LRIT1: variants seen among roughly 807,000 people sequenced by gnomAD.
LRIT1 encodes leucine-rich repeat, immunoglobulin-like domain and transmembrane domain-containing protein 1.
A neutral mutation model predicts 24.0 loss-of-function variants in LRIT1; 23 were observed. The ratio of observed to expected loss-of-function variants is 0.96; its 90% CI spans 0.69 to 1.36. LRIT1 has a LOEUF of 1.36. Among genes scored for constraint, LRIT1 ranks in the 40% most tolerant of loss-of-function variants. LRIT1 has a pLI of 0.00. For synonymous variants in LRIT1, 361 were observed against 340.5 expected (o/e 1.06, Z -0.66); for missense variants, 846 against 806.3 (o/e 1.05, Z -0.60).
chr10:84,236,294 TC>T (rs1187600336), intron 2 of LRIT1, among the ~76,000 whole-genome samples: 1 of 147,228 alleles, frequency 6.8e-6, no homozygotes, highest in African/African-American at 2.5e-5. Context: ...AGACTCCGTC[TC>T]AAAAAAAAAA....
chr10:84,237,504 ATGAGGGCGTTGAGCTCGC>A lies in LRIT1; in HGVS notation c.287_304del (p.Ser96_Leu101del), dbSNP rs1564544686. 3 of 1,601,290 alleles carry A rather than the reference ATGAGGGCGTTGAGCTCGC, an allele frequency of 1.9e-6. No homozygotes were observed. The highest frequency in any genetic ancestry group is 1.3e-5 in the African/African-American group (1 of 74,978). On this transcript the variant is annotated inframe_deletion, in exon 2 of 4. Coordinates refer to ENST00000372105, the MANE Select transcript of LRIT1 (RefSeq NM_015613.3). ...CCGCAGGCGTCGCAGGCCCCGCAGC[ATGAGGGCGTTGAGCTCGC>A]TGAGGGCGTTGTAAGGCAGCCACAG... is the stretch of plus-strand genomic sequence containing the variant.
intron 1 of LRIT1, 114 bp from the exon 2 acceptor site, chr10:84,237,800 A>G (rs1842664844): frequency 2.6e-6 from 2 of 777,530 alleles, no homozygotes; most frequent in East Asian, 5.4e-5. Context: ...GGACACCCAC[A>G]CCAGAGTCCA....
chr10:84,234,079 C>G lies in LRIT1; in HGVS notation c.889G>C (p.Gly297Arg). ...ATCCCTGTAGCTCACATACCTGTAC[C>G]ATTAAGGGGCCTGCCATTGGCCCTC... ...WRRANGRPLN[G>R]TVHQEVSSDG... The change falls in exon 3 of 4, where the codon GGT becomes CGT. Residue 297 changes from glycine (G) to arginine (R), a missense_variant. Physicochemically the swap from Gly to Arg is moderately radical, Grantham distance 125 (BLOSUM62 -2). Coordinates refer to ENST00000372105, the MANE Select transcript of LRIT1 (RefSeq NM_015613.3). 6.5e-7 allele frequency: 1 copy of G among 1,535,344 alleles called. No individual in the cohort carries two copies. Among genetic ancestry groups the G allele is most frequent in the Middle Eastern group, 2.3e-4 (1 of 4,372 alleles).
chr10:84,231,860 T>C lies in LRIT1; in HGVS notation c.*67A>G, dbSNP rs574405159. On this transcript the variant is annotated 3_prime_UTR_variant, in exon 4 of 4. Coordinates refer to ENST00000372105, the MANE Select transcript of LRIT1 (RefSeq NM_015613.3). Reference sequence around the variant, plus strand: ...GAGCAGGTAAGAGTGGGTGATCGTGTACTCAGGTGTCAGAGCTAAAGAAGG... The same window carrying C: ...GAGCAGGTAAGAGTGGGTGATCGTGCACTCAGGTGTCAGAGCTAAAGAAGG... The C allele has an allele frequency of 2.0e-6, 3 of 1,527,082 alleles. No individual in the cohort carries two copies. The East Asian group carries it at 6.8e-5, about 35-fold the overall frequency. The allele number at this position is 1,527,082 out of a possible 1,614,324, so 94.6% of individuals were successfully genotyped here. A position where few individuals can be genotyped will look rare whatever the true frequency, so the allele number is the denominator to read the frequency against.
intron 2 of LRIT1, among the ~76,000 whole-genome samples, chr10:84,236,603 C>A (rs1302696677): frequency 6.6e-6 from 1 of 151,920 alleles, no homozygotes; most frequent in Non-Finnish European, 1.5e-5. Context: ...TTTTCTGAAT[C>A]CATGTATGTA....
At position 84,232,275 on chromosome 10, in the gene LRIT1, C is replaced by T. The variant is rs772636875; in HGVS notation, c.1524G>A (p.Glu508=). 5 of 1,614,000 alleles carry T rather than the reference C, an allele frequency of 3.1e-6. No individual in the cohort carries two copies. The highest frequency in any genetic ancestry group is 2.2e-5 in the East Asian group (1 of 44,894). Residue 508 remains glutamate, a synonymous_variant, in exon 4 of 4, where the codon GAG becomes GAA. Coordinates refer to ENST00000372105, the MANE Select transcript of LRIT1 (RefSeq NM_015613.3). The stretch of plus-strand genomic sequence containing the variant: ...CATTGGTGGAGAAAATAACACACTG[C>T]TCCTTCCGGGGCACCAGGCCCTGCA... ...VCVQGLVPRK[E]QCVIFSTNEV... is the part of the protein sequence containing the mutation.
At chr10:84,235,992 G>A (rs1356196508) in intron 2 of LRIT1, among the ~76,000 whole-genome samples, 1 of 151,352 alleles carries the variant, frequency 6.6e-6, no homozygotes, top group African/African-American at 2.4e-5. Context: ...GAGAAACATT[G>A]ATGTGCACAA....
At chr10:84,236,244 C>T (rs1213823784) in intron 2 of LRIT1, among the ~76,000 whole-genome samples, 2 of 151,134 alleles carry the variant, frequency 1.3e-5, no homozygotes, top group African/African-American at 2.4e-5. Context: ...TGCAGTGAGC[C>T]GAGGTCGTGC....
Position 84,237,238 on chromosome 10 carries a change from G to A in LRIT1, c.571C>T (p.His191Tyr). ...LETGIFPPGH[H>Y]PRRVLGLQDN... ...CCCTTACCTAGGACCCGCCTGGGGT[G>A]GTGGCCGGGAGGAAAGATACCGGTC... is the stretch of plus-strand genomic sequence containing the variant. Residue 191 changes from histidine (H) to tyrosine (Y), a missense_variant, in exon 2 of 4, where the codon CAC (histidine) becomes TAC (tyrosine). Transcript: ENST00000372105. 6.4e-7 allele frequency: 1 copy of A among 1,550,448 alleles called. No individual in the cohort carries two copies. The highest frequency in any genetic ancestry group is 8.7e-7 in the Non-Finnish European group (1 of 1,146,940).
chr10:84,232,112 C>A lies in LRIT1; in HGVS notation c.1687G>T (p.Asp563Tyr), dbSNP rs141671643. 238 of 1,614,014 alleles carry A rather than the reference C, an allele frequency of 1.5e-4. No individual in the cohort carries two copies. Among genetic ancestry groups the A allele is most frequent in the Non-Finnish European group, 1.9e-4 (224 of 1,180,036 alleles). The change falls in exon 4 of 4, where the codon GAC (aspartate) becomes TAC (tyrosine). Residue 563 changes from aspartate (D) to tyrosine (Y), a missense_variant. Asp to Tyr is a radical substitution (Grantham distance 160, BLOSUM62 -3). Coordinates refer to ENST00000372105, the MANE Select transcript of LRIT1 (RefSeq NM_015613.3). Reference sequence around the variant, plus strand: ...TAGGTAACTGTGGCCTCAGTGGAGTCCTTGTTGAAGCACTTTCGGCAGCGC... The same window carrying A: ...TAGGTAACTGTGGCCTCAGTGGAGTACTTGTTGAAGCACTTTCGGCAGCGC... ...QKRCRKCFNK[D>Y]STEATVTYVN... is the part of the protein sequence containing the mutation.
Position 84,231,773 on chromosome 10 carries a change from T to G in LRIT1, c.*154A>C. 1 of 735,170 alleles carries G rather than the reference T, an allele frequency of 1.4e-6. No individual in the cohort carries two copies. Among genetic ancestry groups the G allele is most frequent in the Non-Finnish European group, 2.2e-6 (1 of 459,536 alleles). 45.5% of individuals were successfully genotyped at this position (735,170 alleles called of 1,614,324 possible). Reference sequence around the variant, plus strand: ...GTAAGTGCTTAACAAGTGTTAGCGGTTGTTGCAGTAGCAGCTGCTGCTGCT... The same window carrying G: ...GTAAGTGCTTAACAAGTGTTAGCGGGTGTTGCAGTAGCAGCTGCTGCTGCT... On this transcript the variant is annotated 3_prime_UTR_variant, in exon 4 of 4. Transcript: ENST00000372105.
At chr10:84,238,490 T>A (rs758558150) in intron 1 of LRIT1, among the ~76,000 whole-genome samples, 2 of 152,152 alleles carry the variant, frequency 1.3e-5, no homozygotes, top group Admixed American at 6.5e-5. Context: ...TGCGGAGCCA[T>A]GCGATCGATG....
In LRIT1 at chr10:84,241,478, C is replaced by A; in HGVS notation, c.-39G>T. 1 of 1,469,522 alleles carries A rather than the reference C, an allele frequency of 6.8e-7. No individual in the cohort carries two copies. Among genetic ancestry groups the A allele is most frequent in the Non-Finnish European group, 9.0e-7 (1 of 1,116,878 alleles). The allele number at this position is 1,469,522 out of a possible 1,614,324, so 91.0% of individuals were successfully genotyped here. A position where few individuals can be genotyped will look rare whatever the true frequency, so the allele number is the denominator to read the frequency against. ...TCTCTGGCCCAGGCAGGGGCCTGTC[C>A]CTGGACCGCTCCGTCCCACCGGCCC... On this transcript the variant is annotated 5_prime_UTR_variant, in exon 1 of 4. Coordinates refer to ENST00000372105, the MANE Select transcript of LRIT1 (RefSeq NM_015613.3).
At chr10:84,240,476 C>A (rs940250444) in intron 1 of LRIT1, among the ~76,000 whole-genome samples, 5 of 152,142 alleles carry the variant, frequency 3.3e-5, no homozygotes, top group African/African-American at 1.2e-4. Context: ...GGATCAGAAA[C>A]CATCAGTGGC....
At position 84,232,451 on chromosome 10, in the gene LRIT1, C is replaced by G; in HGVS notation, c.1348G>C (p.Ala450Pro). 2 of 1,614,142 alleles carry G rather than the reference C, an allele frequency of 1.2e-6. No individual in the cohort carries two copies. The highest frequency in any genetic ancestry group is 1.7e-6 in the Non-Finnish European group (2 of 1,180,020). The part of the protein sequence containing the change: ...TYHSVSLVWK[A>P]PQAKNTTAFS... ...GCAGTTGTGTTCTTAGCCTGGGGTG[C>G]CTTCCACACCAAGGACACGCTGTGG... The change falls in exon 4 of 4, where the codon GCA becomes CCA. Residue 450 changes from alanine to proline, a missense_variant. By Grantham distance (27) the Ala-to-Pro change is conservative. Coordinates refer to ENST00000372105, the MANE Select transcript of LRIT1 (RefSeq NM_015613.3).
At position 84,232,467 on chromosome 10, in the gene LRIT1, C is replaced by T; in HGVS notation, c.1332G>A (p.Val444=). Residue 444 remains valine, a synonymous_variant, in exon 4 of 4, where the codon GTG becomes GTA. Coordinates refer to ENST00000372105, the MANE Select transcript of LRIT1 (RefSeq NM_015613.3). ...CCTGGGGTGCCTTCCACACCAAGGA[C>T]ACGCTGTGGTAAGTGTCCCCCACCA... ...VKVVGDTYHS[V]SLVWKAPQAK... is the part of the protein sequence containing the mutation. The T allele has an allele frequency of 1.2e-6, 2 of 1,614,166 alleles. No individual in the cohort carries two copies. Among genetic ancestry groups the T allele is most frequent in the African/African-American group, 1.3e-5 (1 of 75,050 alleles).
Position 84,237,499 on chromosome 10 carries a change from G to T in LRIT1, c.310C>A (p.Arg104=). 4 of 1,598,822 alleles carry T rather than the reference G, an allele frequency of 2.5e-6. No homozygotes were observed. The highest frequency in any genetic ancestry group is 1.7e-6 in the Non-Finnish European group (2 of 1,176,704). ...AGCTCCCGCAGGCGTCGCAGGCCCC[G>T]CAGCATGAGGGCGTTGAGCTCGCTG... ...ALSELNALML[R]GLRRLRELRL... is the part of the protein sequence containing the mutation. Residue 104 remains arginine, a synonymous_variant, in exon 2 of 4, where the codon CGG becomes AGG. Coordinates refer to ENST00000372105, the MANE Select transcript of LRIT1 (RefSeq NM_015613.3).
chr10:84,238,927 A>G (rs1842672961), intron 1 of LRIT1, among the ~76,000 whole-genome samples: 1 of 152,216 alleles, frequency 6.6e-6, no homozygotes, highest in Admixed American at 6.5e-5. Context: ...ACTGAAAACA[A>G]AATCCTAAGC....
intron 2 of LRIT1, among the ~76,000 whole-genome samples, chr10:84,235,842 T>C (rs1251673709): frequency 1.3e-5 from 2 of 151,808 alleles, no homozygotes; most frequent in African/African-American, 2.4e-5. Flanking sequence ...AACTCCTGAC[T>C]GCAAGTGATC....
Sources: allele counts gnomAD v4.1 joint callset (sites outside exome capture counted in the v4.1 genomes callset), GRCh38; gene constraint gnomAD v4.1.1; transcripts MANE v1.5; gene names NCBI Gene and HGNC (gene_info 2026-07-23, HGNC 2026-07-21).